CACNA1E: variants seen among roughly 807,000 people sequenced by gnomAD.
The protein encoded by CACNA1E is voltage-dependent R-type calcium channel subunit alpha-1E.
Under a neutral mutation model 259.2 loss-of-function variants are expected in CACNA1E, and 40 were observed. The ratio of observed to expected loss-of-function variants is 0.15; its 90% CI spans 0.12 to 0.20. The LOEUF (loss-of-function observed/expected upper bound fraction) is 0.20. Ranked by LOEUF, CACNA1E falls within the 10% of genes least tolerant of loss-of-function variation. The pLI is 1.00. For synonymous variants in CACNA1E, 1,104 were observed against 1,138.5 expected, an observed-to-expected ratio of 0.97 and a Z score of 0.61; for missense variants, 1,874 against 3,040.1, an observed-to-expected ratio of 0.62 and a Z score of 9.02.
At chr1:181,484,127 C>T (rs1014518930) in intron 1 of CACNA1E, 117 bp downstream of exon 1, 3 of 999,468 alleles carry the variant, frequency 3.0e-6, no homozygotes, top group Non-Finnish European at 4.7e-6. Flanking sequence ...TGCCCCTTTG[C>T]TGAAGCACAC....
intron 2 of CACNA1E, among the ~76,000 whole-genome samples, chr1:181,425,667 C>A (rs1243829383): frequency 6.6e-6 from 1 of 151,458 alleles, no homozygotes; most frequent in African/African-American, 2.4e-5. Flanking sequence ...AGGAGGTGGG[C>A]GTGGGGCACC....
At chr1:181,377,001 C>G (rs192292470) in intron 1 of CACNA1E, among the ~76,000 whole-genome samples, 2 of 152,262 alleles carry the variant, frequency 1.3e-5, no homozygotes, top group Non-Finnish European at 2.9e-5. Flanking sequence ...ACTGTATGGT[C>G]CCTTACCTTG....
chr1:181,537,273 G>A (rs985124537), intron 3 of CACNA1E, among the ~76,000 whole-genome samples: 1 of 151,444 alleles, frequency 6.6e-6, no homozygotes, highest in African/African-American at 2.4e-5. Context: ...CTAATTTTGT[G>A]TTTTTAGTAG....
At chr1:181,794,708 A>G (rs753200791) in intron 45 of CACNA1E, among the ~76,000 whole-genome samples, 156 bp from the exon 46 acceptor site, 1 of 152,238 alleles carries the variant, frequency 6.6e-6, no homozygotes, top group Non-Finnish European at 1.5e-5. Context: ...AGTTTCCACC[A>G]GCTAAGGTTT....
At chr1:181,634,039 C>T (rs538884883) in intron 6 of CACNA1E, among the ~76,000 whole-genome samples, 7 of 152,268 alleles carry the variant, frequency 4.6e-5, no homozygotes, top group African/African-American at 1.7e-4. Context: ...AATTGATGGC[C>T]CACCAGTTTG....
At chr1:181,726,999 G>A (rs1446984189) in intron 18 of CACNA1E, among the ~76,000 whole-genome samples, 3 of 152,192 alleles carry the variant, frequency 2.0e-5, no homozygotes, top group Admixed American at 6.5e-5. Flanking sequence ...ACTAAGCAAC[G>A]GGTTGGGGAG....
chr1:181,689,036 G>C (rs1650866506), intron 7 of CACNA1E, among the ~76,000 whole-genome samples: 1 of 152,120 alleles, frequency 6.6e-6, no homozygotes, highest in Non-Finnish European at 1.5e-5. Flanking sequence ...GTGTAGGTTT[G>C]TTACATAGGT....
rs761633823 is a variant in CACNA1E, at chr1:181,788,613, A to AG, written c.5787-1830dup. The stretch of plus-strand genomic sequence containing the variant: ...CCTAGCCTATCCAATGAACTAAAAA[A>AG]GGCCGCCATGTCTGGAGTTCAGGGA... On this transcript the variant is annotated intron_variant, in intron 43 of 47. Coordinates refer to ENST00000367573, the MANE Select transcript of CACNA1E (RefSeq NM_001205293.3). 3.9e-5 allele frequency among the ~76,000 whole-genome samples: 6 copies of AG among 152,204 alleles called. No homozygotes were observed. The East Asian group carries it at 7.7e-4, about 20-fold the overall frequency.
chr1:181,486,241 G>A (rs60249669), intron 1 of CACNA1E, among the ~76,000 whole-genome samples: 18 of 152,172 alleles, frequency 1.2e-4, no homozygotes, highest in African/African-American at 4.3e-4. Flanking sequence ...CCTTGGCCCC[G>A]AGCCCTGTCC....
chr1:181,501,946 C>CT (rs968330178), intron 1 of CACNA1E, among the ~76,000 whole-genome samples: 1 of 151,278 alleles, frequency 6.6e-6, no homozygotes, highest in African/African-American at 2.4e-5. Context: ...GTTTTTTAGT[C>CT]TTTTTTTTTA....
intron 3 of CACNA1E, among the ~76,000 whole-genome samples, chr1:181,568,782 A>G (rs1650107934): frequency 6.6e-6 from 1 of 152,042 alleles, no homozygotes; most frequent in South Asian, 2.1e-4. Context: ...TTTCATAGAG[A>G]TTCGTAGAGA....
intron 2 of CACNA1E, among the ~76,000 whole-genome samples, chr1:181,425,239 G>A (rs183599135): frequency 6.4e-4 from 98 of 152,316 alleles, no homozygotes; most frequent in African/African-American, 2.1e-3. Flanking sequence ...GGAAAGCGAA[G>A]CCAGGAGGAG....
chr1:181,584,865 G>C (rs1165805461), intron 6 of CACNA1E, among the ~76,000 whole-genome samples: 1 of 152,186 alleles, frequency 6.6e-6, no homozygotes, highest in Non-Finnish European at 1.5e-5. Context: ...GTGCTAGAGT[G>C]ATAAGATGAA....
chr1:181,707,929 G>T lies in CACNA1E; in HGVS notation c.1056-3025G>T, dbSNP rs976121992. On this transcript the variant is annotated intron_variant, in intron 7 of 47. Transcript: ENST00000367573. ...AGCTGACCATAGTAAAGGTCTGACTGCAAGATGAGCTCTAAAGGGATGGGG... is the reference window on the plus strand; with the variant it reads ...AGCTGACCATAGTAAAGGTCTGACTTCAAGATGAGCTCTAAAGGGATGGGG... Among the ~76,000 whole-genome samples, 3 of 152,320 alleles carry T rather than the reference G, an allele frequency of 2.0e-5. No individual in the cohort carries two copies. The South Asian group carries it at 6.2e-4, about 32-fold the overall frequency.
At chr1:181,360,918 C>T (rs189292394) in intron 1 of CACNA1E, among the ~76,000 whole-genome samples, 18 of 152,216 alleles carry the variant, frequency 1.2e-4, no homozygotes, top group African/African-American at 3.6e-4. Context: ...CCTGGGAAAG[C>T]GGGCAAGGAC....
intron 2 of CACNA1E, among the ~76,000 whole-genome samples, chr1:181,456,639 G>C (rs1272955915): frequency 1.3e-5 from 2 of 152,182 alleles, no homozygotes; most frequent in African/African-American, 4.8e-5. Flanking sequence ...CAGTAGATCT[G>C]TTTGAGCTTA....
chr1:181,648,352 A>G (rs1202317149), intron 6 of CACNA1E, among the ~76,000 whole-genome samples: 1 of 152,236 alleles, frequency 6.6e-6, no homozygotes, highest in Non-Finnish European at 1.5e-5. Context: ...GCTGAATCAA[A>G]AGACACTGCT....
intron 2 of CACNA1E, among the ~76,000 whole-genome samples, chr1:181,478,014 CA>C (rs1488923990): frequency 6.6e-6 from 1 of 152,186 alleles, no homozygotes; most frequent in African/African-American, 2.4e-5. Flanking sequence ...ATTATTTTGA[CA>C]TGCAGTATGT....
chr1:181,597,336 A>G (rs1194755097), intron 6 of CACNA1E, among the ~76,000 whole-genome samples: 1 of 152,168 alleles, frequency 6.6e-6, no homozygotes, highest in African/African-American at 2.4e-5. Context: ...CTTGTTTACA[A>G]TGGCTTCAGT....
Sources: gnomAD v4.1 joint callset for allele counts (sites outside exome capture counted in the v4.1 genomes callset) on GRCh38, gnomAD v4.1.1 for gene constraint, MANE v1.5 for transcripts, NCBI Gene and HGNC (gene_info 2026-07-23, HGNC 2026-07-21) for gene names.